The following B4GALNT4 variants were observed in gnomAD, a reference collection of about 807,000 sequenced individuals.
B4GALNT4 encodes the protein N-acetyl-beta-glucosaminyl-glycoprotein 4-beta-N-acetylgalactosaminyltransferase 1.
B4GALNT4 carries 77 observed loss-of-function variants against 110.0 expected under a neutral mutation model. The ratio of observed to expected loss-of-function variants is 0.70; its 90% confidence interval spans 0.58 to 0.85. The LOEUF is 0.85. Ranked by LOEUF, B4GALNT4 falls within the 40% of genes least tolerant of loss-of-function variation. The pLI, the probability that B4GALNT4 is intolerant of heterozygous loss-of-function variation, is 0.00. For missense variants in B4GALNT4, 1,575 were observed against 1,506.0 expected (o/e 1.05, Z -0.76); for synonymous variants, 785 against 655.5 (o/e 1.20, Z -3.02).
chr11:373,833 G>A lies in B4GALNT4; in HGVS notation c.783+5G>A. ...TCGGACCACGTGGAAGTGGGCGTGA[G>A]TGCCTTCCTCCCCTGGGGGCTTCTG... On this transcript the variant is annotated splice_donor_5th_base_variant and intron_variant, in intron 8 of 19. Coordinates refer to ENST00000329962, the MANE Select transcript of B4GALNT4 (RefSeq NM_178537.5). 1.9e-6 allele frequency: 3 copies of A among 1,611,424 alleles called. No homozygotes were observed. Among genetic ancestry groups the A allele is most frequent in the Non-Finnish European group, 2.5e-6 (3 of 1,179,710 alleles).
At chr11:378,756 G>A (rs560335636) in intron 14 of B4GALNT4, among the ~76,000 whole-genome samples, 1 of 152,078 alleles carries the variant, frequency 6.6e-6, no homozygotes, top group Non-Finnish European at 1.5e-5. Context: ...GGCCAGGAAC[G>A]GGCTCCCAGC....
rs765972307 is a variant in B4GALNT4, at chr11:379,575, G to T, written c.2362G>T (p.Asp788Tyr). Residue 788 changes from aspartate to tyrosine, a missense_variant, in exon 15 of 20, where the codon GAT (aspartate) becomes TAT (tyrosine). Asp to Tyr is a radical substitution (Grantham distance 160). Coordinates refer to ENST00000329962, the MANE Select transcript of B4GALNT4 (RefSeq NM_178537.5). ...GCGGCTGCCGGGAGCCCGCGTAGGG[G>T]ATGCAGACGGAGAAAGTCCCGAACC... ...FLRLPGARVG[D>Y]ADGESPEPAP... 6 of 1,585,306 alleles carry T rather than the reference G, an allele frequency of 3.8e-6. No homozygotes were observed. The highest frequency in any genetic ancestry group is 1.8e-5 in the Admixed American group (1 of 56,270).
rs1846730217 is a variant in B4GALNT4 at position 375,672 on chromosome 11, A to T, written c.884A>T (p.His295Leu). The change falls in exon 10 of 20, where the codon CAC becomes CTC. Residue 295 changes from histidine to leucine, a missense_variant. His to Leu is a moderately conservative substitution (Grantham distance 99, BLOSUM62 -3). Transcript: ENST00000329962. ...ESALKMDHVA[H>L]VPQSPASHVG... Reference sequence around the variant, plus strand: ...GCCTTGAAGATGGACCACGTGGCGCACGTCCCCCAGTCTCCAGCCAGCCAC... The same window carrying T: ...GCCTTGAAGATGGACCACGTGGCGCTCGTCCCCCAGTCTCCAGCCAGCCAC... 6.3e-7 allele frequency: 1 copy of T among 1,591,916 alleles called. No homozygotes were observed. Among genetic ancestry groups the T allele is most frequent in the African/African-American group, 1.3e-5 (1 of 74,750 alleles).
chr11:373,665 G>T (rs1564868683), intron 7 of B4GALNT4, 85 bp from the exon 8 acceptor site: 1 of 1,533,348 alleles, frequency 6.5e-7, no homozygotes. Context: ...AGCCCTGAGG[G>T]GTGTGGGAGC....
intron 18 of B4GALNT4, 151 bp from the exon 19 acceptor site, chr11:380,674 C>A (rs1234204878): frequency 2.2e-6 from 3 of 1,382,996 alleles, no homozygotes; most frequent in Non-Finnish European, 3.0e-6. Flanking sequence ...GCTCCAGGGT[C>A]ATGACCCAGT....
At position 372,125 on chromosome 11, in the gene B4GALNT4, C is replaced by T; in HGVS notation, c.168C>T (p.Thr56=). 6.5e-7 allele frequency: 1 copy of T among 1,549,492 alleles called. No homozygotes were observed. Among genetic ancestry groups the T allele is most frequent in the African/African-American group, 1.4e-5 (1 of 73,148 alleles). The change falls in exon 2 of 20, where the codon ACC becomes ACT. Residue 56 remains threonine, a synonymous_variant. Transcript: ENST00000329962. The part of the protein sequence containing the change: ...LGYGRDGEKL[T]SETDGRGVHA... ...CACCTGCAGATGGTGAGAAGCTGACCAGTGAGACCGACGGCCGGGGGGTCC... is the reference window on the plus strand; with the variant it reads ...CACCTGCAGATGGTGAGAAGCTGACTAGTGAGACCGACGGCCGGGGGGTCC...
chr11:376,795 A>G lies in B4GALNT4; in HGVS notation c.1672A>G (p.Arg558Gly). The G allele has an allele frequency of 1.4e-6, 2 of 1,388,952 alleles. No individual in the cohort carries two copies. The highest frequency in any genetic ancestry group is 3.1e-5 in the Admixed American group (1 of 31,906). 86.0% of individuals were successfully genotyped at this position (1,388,952 alleles called of 1,614,324 possible). The change falls in exon 14 of 20, where the codon AGG becomes GGG. Residue 558 changes from arginine to glycine, a missense_variant. Transcript: ENST00000329962. ...CTTCCCTGGCGTCTTCCTGCACCCC[A>G]GGCCTCTGCCCAGAGTGCAGCTGCG... ...PPFPGVFLHP[R>G]PLPRVQLRAP...
chr11:379,511 CG>C lies in B4GALNT4; in HGVS notation c.2303del (p.Gly768AlafsTer19). ...FLLELELQER[G>X]GGRLRLSEYV... ...TGCTGGAGCTGGAGCTGCAGGAGCGCGGGGGCGGCCGCCTGCGACTGTCCGA... is the reference window on the plus strand; with the variant it reads ...TGCTGGAGCTGGAGCTGCAGGAGCGCGGGGCGGCCGCCTGCGACTGTCCGA... On this transcript the variant is annotated frameshift_variant, in exon 15 of 20. Coordinates refer to ENST00000329962, the MANE Select transcript of B4GALNT4 (RefSeq NM_178537.5). LOFTEE classifies it high-confidence loss of function. 6.3e-7 allele frequency: 1 copy of C among 1,575,818 alleles called. No individual in the cohort carries two copies.
At position 381,906 on chromosome 11, in the gene B4GALNT4, G is replaced by T. The variant is rs1476857514; in HGVS notation, c.*114G>T. ...GGCTGGTCAGAGGGGCACAGCCACC[G>T]CCTGTGCCTGCCCCTCTCTGGCCCA... On this transcript the variant is annotated 3_prime_UTR_variant, in exon 20 of 20. Coordinates refer to ENST00000329962, the MANE Select transcript of B4GALNT4 (RefSeq NM_178537.5). 15 of 1,251,120 alleles carry T rather than the reference G, an allele frequency of 1.2e-5. No homozygotes were observed. In the South Asian group the frequency reaches 2.4e-4, roughly 20 times the overall value. The allele number at this position is 1,251,120 out of a possible 1,614,324, so 77.5% of individuals were successfully genotyped here. A position where few individuals can be genotyped will look rare whatever the true frequency, so the allele number is the denominator to read the frequency against.
rs1374409000 is a variant in B4GALNT4, at chr11:369,554, G to C, written c.-250G>C. On this transcript the variant is annotated 5_prime_UTR_variant, in exon 1 of 20. Coordinates refer to ENST00000329962, the MANE Select transcript of B4GALNT4 (RefSeq NM_178537.5). ...GGTCCCGCCGCCGCCCCAGGAGCGC[G>C]GAGCCGGGAGCGGCCGGGCGGGGGG... Among the ~76,000 whole-genome samples, 2 of 143,816 alleles carry C rather than the reference G, an allele frequency of 1.4e-5. No individual in the cohort carries two copies. Among genetic ancestry groups the C allele is most frequent in the African/African-American group, 2.5e-5 (1 of 39,918 alleles). 94.3% of individuals were successfully genotyped at this position (143,816 alleles called of 152,430 possible).
chr11:377,536 C>T (rs1171467373), intron 14 of B4GALNT4, among the ~76,000 whole-genome samples: 2 of 152,200 alleles, frequency 1.3e-5, no homozygotes, highest in Non-Finnish European at 2.9e-5. Flanking sequence ...ACTTGTCCAG[C>T]CTCAGGGACC....
intron 2 of B4GALNT4, 142 bp from the exon 3 acceptor site, chr11:372,520 G>T: frequency 1.3e-6 from 1 of 787,608 alleles, no homozygotes; most frequent in Non-Finnish European, 2.2e-6. Flanking sequence ...CCACAGGTCA[G>T]GGTTTGCATG....
intron 12 of B4GALNT4, 26 bp from the exon 13 acceptor site, chr11:376,225 G>C (rs368812225): frequency 6.9e-6 from 11 of 1,600,862 alleles, no homozygotes; most frequent in African/African-American, 1.3e-5. Flanking sequence ...GGCGGGACTC[G>C]GCTCTGATGC....
At chr11:375,350 C>T (rs955640118) in intron 8 of B4GALNT4, 111 bp from the exon 9 acceptor site, 8 of 1,118,796 alleles carry the variant, frequency 7.2e-6, no homozygotes, top group Non-Finnish European at 1.1e-5. Context: ...TCTCCTGCAT[C>T]CTTTAAGGGA....
chr11:380,409 CGCCTGAGCTGCGGGAGCTCGCCCCGGGA>C lies in B4GALNT4; in HGVS notation c.2834_2861del (p.Arg945ProfsTer8). 6.2e-7 allele frequency: 1 copy of C among 1,611,254 alleles called. No homozygotes were observed. The highest frequency in any genetic ancestry group is 1.1e-5 in the South Asian group (1 of 90,896). On this transcript the variant is annotated frameshift_variant, in exon 18 of 20. Coordinates refer to ENST00000329962, the MANE Select transcript of B4GALNT4 (RefSeq NM_178537.5). LOFTEE classifies it high-confidence loss of function. Reference sequence around the variant, plus strand: ...GCTGGCCTTCGCGCCCGTGGTCATGCGCCTGAGCTGCGGGAGCTCGCCCCGGGACCCCCACGGTGAGGCCCCGAGCGTC... The same window carrying C: ...GCTGGCCTTCGCGCCCGTGGTCATGCCCCCCACGGTGAGGCCCCGAGCGTC...
At chr11:373,168 CT>C in intron 5 of B4GALNT4, 22 bp from the exon 6 acceptor site, 3 of 1,612,328 alleles carry the variant, frequency 1.9e-6, no homozygotes, top group Non-Finnish European at 2.5e-6. Context: ...CTCCACCCCC[CT>C]GAGCCTAGTC....
At chr11:379,296 C>A in intron 14 of B4GALNT4, 122 bp from the exon 15 acceptor site, 1 of 1,117,536 alleles carries the variant, frequency 8.9e-7, no homozygotes, top group Non-Finnish European at 1.2e-6. Context: ...GGTGCTGTGC[C>A]GCGGAGCCCG....
rs748615387 is a variant in B4GALNT4, at chr11:376,112, C to T, written c.1134C>T (p.Arg378=). The change falls in exon 12 of 20, where the codon CGC becomes CGT. Residue 378 remains arginine, a synonymous_variant. Transcript: ENST00000329962. ...LSFVYPNDYT[R]LTHMETDNKC... is the part of the protein sequence containing the mutation. ...TCGTTTATCCCAACGACTACACTCG[C>T]CTCACCCACATGGAGACGGACAACA... The T allele has an allele frequency of 1.1e-5, 17 of 1,611,850 alleles. No homozygotes were observed. The highest frequency in any genetic ancestry group is 8.8e-5 in the South Asian group (8 of 91,050).
chr11:379,372 G>A (rs1590342829), intron 14 of B4GALNT4, 46 bp from the exon 15 acceptor site: 1 of 1,430,496 alleles, frequency 7.0e-7, no homozygotes. Flanking sequence ...TGCGGGCGGG[G>A]TGCAGGCTGG....
Sources: gnomAD v4.1 joint callset for allele counts (sites outside exome capture counted in the v4.1 genomes callset) on GRCh38, gnomAD v4.1.1 for gene constraint, MANE v1.5 for transcripts, NCBI Gene and HGNC (gene_info 2026-07-23, HGNC 2026-07-21) for gene names.